The following GTF2E2 variants were observed in gnomAD, a reference collection of about 807,000 sequenced individuals.
GTF2E2 encodes the protein transcription initiation factor IIE subunit beta.
GTF2E2 carries 21 observed loss-of-function variants against 40.5 expected under a neutral mutation model. The ratio of observed to expected loss-of-function variants is 0.52; its 90% confidence interval spans 0.37 to 0.75. GTF2E2 has a LOEUF of 0.75. Ranked by LOEUF, GTF2E2 falls within the 30% of genes least tolerant of loss-of-function variation. The pLI is 0.00. For synonymous variants in GTF2E2, 117 were observed against 121.6 expected, an observed-to-expected ratio of 0.96 and a Z score of 0.25; for missense variants, 298 against 338.4, an observed-to-expected ratio of 0.88 and a Z score of 0.94.
chr8:30,635,230 A>G (rs1468740184), intron 2 of GTF2E2, 107 bp from the exon 3 acceptor site: 2 of 642,398 alleles, frequency 3.1e-6, no homozygotes, highest in African/African-American at 3.6e-5. Flanking sequence ...TTTTTCATCT[A>G]GTATATTCTA....
intron 2 of GTF2E2, among the ~76,000 whole-genome samples, chr8:30,652,254 A>G (rs1345202784): frequency 6.6e-6 from 1 of 152,218 alleles, no homozygotes; most frequent in Admixed American, 6.5e-5. Context: ...TTTTGTACAT[A>G]CAAAGACACT....
At chr8:30,653,624 C>G in intron 1 of GTF2E2, 22 bp from the exon 2 acceptor site, 2 of 1,574,676 alleles carry the variant, frequency 1.3e-6, no homozygotes, top group Non-Finnish European at 1.7e-6. Context: ...AAATAAGTGT[C>G]TTTAATACAA....
chr8:30,587,189 T>C (rs997773699), intron 6 of GTF2E2, among the ~76,000 whole-genome samples: 2 of 152,064 alleles, frequency 1.3e-5, no homozygotes, highest in South Asian at 4.1e-4. Flanking sequence ...GGCAGGAAGA[T>C]TGCTTGAGCC....
At chr8:30,580,552 G>C (rs934571401) in intron 6 of GTF2E2, among the ~76,000 whole-genome samples, 156 bp from the exon 7 acceptor site, 1 of 152,168 alleles carries the variant, frequency 6.6e-6, no homozygotes, top group African/African-American at 2.4e-5. Flanking sequence ...CCACATGTGG[G>C]ACACGGTGCA....
intron 3 of GTF2E2, among the ~76,000 whole-genome samples, chr8:30,633,824 C>A (rs1801508832): frequency 6.6e-6 from 1 of 152,162 alleles, no homozygotes; most frequent in African/African-American, 2.4e-5. Flanking sequence ...ACAGTGAATA[C>A]TTACGTGTCA....
chr8:30,627,615 G>A (rs1169149518), intron 3 of GTF2E2, among the ~76,000 whole-genome samples: 1 of 152,098 alleles, frequency 6.6e-6, no homozygotes, highest in East Asian at 1.9e-4. Flanking sequence ...GATTGCTTGA[G>A]GCCAGGAGTT....
intron 3 of GTF2E2, among the ~76,000 whole-genome samples, chr8:30,623,520 G>A (rs1046993015): frequency 2.9e-4 from 44 of 152,104 alleles, no homozygotes; most frequent in African/African-American, 9.7e-4. Context: ...TAATCCTTTC[G>A]GTATATACCC....
rs544442174 is a variant in GTF2E2 at position 30,620,652 on chromosome 8, C to T, written c.259-5937G>A. ...TAATAAGAGTTAGCCGAGCTGGGCACGGTGGCTCACGTCTGCAATCCCAGC... is the reference window on the plus strand; with the variant it reads ...TAATAAGAGTTAGCCGAGCTGGGCATGGTGGCTCACGTCTGCAATCCCAGC... On this transcript the variant is annotated intron_variant, in intron 3 of 7. Transcript: ENST00000355904. 3.6e-4 allele frequency among the ~76,000 whole-genome samples: 54 copies of T among 151,798 alleles called. 1 individual carries two copies. Among genetic ancestry groups the T allele is most frequent in the Admixed American group, 3.3e-3 (51 of 15,236 alleles).
At chr8:30,634,972 A>T in intron 3 of GTF2E2, 60 bp downstream of exon 3, 1 of 881,640 alleles carries the variant, frequency 1.1e-6, no homozygotes, top group Non-Finnish European at 1.8e-6. Flanking sequence ...TGAAAACCCT[A>T]ATCTCCTTCT....
chr8:30,639,366 C>G (rs1044610953), intron 2 of GTF2E2, among the ~76,000 whole-genome samples: 4 of 152,216 alleles, frequency 2.6e-5, no homozygotes, highest in African/African-American at 9.6e-5. Flanking sequence ...TAAACAAAAA[C>G]CTTCTTAAAT....
At chr8:30,600,277 G>A (rs2151118881) in intron 6 of GTF2E2, among the ~76,000 whole-genome samples, 1 of 152,294 alleles carries the variant, frequency 6.6e-6, no homozygotes, top group East Asian at 1.9e-4. Context: ...TAAAACCAGT[G>A]AGTCAGTGAC....
At chr8:30,646,915 G>A (rs909236708) in intron 2 of GTF2E2, among the ~76,000 whole-genome samples, 3 of 134,646 alleles carry the variant, frequency 2.2e-5, no homozygotes, top group African/African-American at 5.6e-5. Context: ...AGGAGGCAGA[G>A]GTTGCAGTGA....
At chr8:30,645,296 T>C in intron 2 of GTF2E2, 1 of 1,528,938 alleles carries the variant, frequency 6.5e-7, no homozygotes, top group Non-Finnish European at 8.7e-7. Flanking sequence ...AAAGAGCAAG[T>C]GGAATCTCTA....
At chr8:30,600,648 C>T (rs907141708) in intron 6 of GTF2E2, among the ~76,000 whole-genome samples, 28 of 152,154 alleles carry the variant, frequency 1.8e-4, no homozygotes, top group Non-Finnish European at 4.4e-5. Context: ...TACAATCTAA[C>T]TCCTCAGCAC....
chr8:30,616,299 G>A (rs1348141247), intron 3 of GTF2E2, among the ~76,000 whole-genome samples: 1 of 152,050 alleles, frequency 6.6e-6, no homozygotes, highest in East Asian at 1.9e-4. Flanking sequence ...AGCCAGGCGT[G>A]GTAGCGGGTG....
chr8:30,622,055 T>C (rs904255651), intron 3 of GTF2E2, among the ~76,000 whole-genome samples: 1 of 151,820 alleles, frequency 6.6e-6, no homozygotes, highest in East Asian at 1.9e-4. Flanking sequence ...ACATGTGCCA[T>C]GTTGGTGTGC....
chr8:30,638,108 C>G (rs1271823710), intron 2 of GTF2E2, among the ~76,000 whole-genome samples: 2 of 152,178 alleles, frequency 1.3e-5, no homozygotes, highest in African/African-American at 4.8e-5. Context: ...ATAATTCCTC[C>G]TAAATCAAAC....
intron 6 of GTF2E2, among the ~76,000 whole-genome samples, chr8:30,599,733 C>T (rs1031420404): frequency 2.0e-5 from 3 of 152,092 alleles, no homozygotes; most frequent in East Asian, 1.9e-4. Flanking sequence ...ACCTGTAATC[C>T]CAGTACTTTG....
chr8:30,647,265 G>A (rs755503487), intron 2 of GTF2E2, among the ~76,000 whole-genome samples: 1 of 152,128 alleles, frequency 6.6e-6, no homozygotes, highest in Non-Finnish European at 1.5e-5. Context: ...GTGGTGAAGA[G>A]AGGAAATCTG....
Sources: gnomAD v4.1 joint callset for allele counts (sites outside exome capture counted in the v4.1 genomes callset) on GRCh38, gnomAD v4.1.1 for gene constraint, MANE v1.5 for transcripts, NCBI Gene and HGNC (gene_info 2026-07-23, HGNC 2026-07-21) for gene names.